Variants in PPEF2 observed in about 807,000 individuals in gnomAD.
PPEF2 encodes serine/threonine-protein phosphatase with EF-hands 2.
PPEF2 carries 84 observed loss-of-function variants against 84.7 expected under a neutral mutation model. The ratio of observed to expected loss-of-function variants is 0.99; its 90% CI spans 0.83 to 1.19. The LOEUF is 1.19. PPEF2 is among the 50% of genes most tolerant of loss of function. The pLI, the probability that PPEF2 is intolerant of heterozygous loss-of-function variation, is 0.00. For synonymous variants in PPEF2, 346 were observed against 345.2 expected (o/e 1.00, Z -0.03); for missense variants, 924 against 937.5 (o/e 0.99, Z 0.19).
At chr4:75,868,678 C>A (rs1429008127) in intron 13 of PPEF2, among the ~76,000 whole-genome samples, 1 of 151,810 alleles carries the variant, frequency 6.6e-6, no homozygotes, top group Non-Finnish European at 1.5e-5. Context: ...CCTGGACAAC[C>A]AGAATGAGAC....
intron 1 of PPEF2, among the ~76,000 whole-genome samples, chr4:75,899,818 C>G (rs759984758): frequency 4.6e-5 from 7 of 152,026 alleles, no homozygotes; most frequent in African/African-American, 7.2e-5. Flanking sequence ...AGTTTTAGAA[C>G]TAGAAGGGAC....
At chr4:75,881,452 C>G (rs982153200) in intron 10 of PPEF2, 1 of 152,130 alleles carries the variant, frequency 6.6e-6, no homozygotes, top group Non-Finnish European at 1.5e-5. Context: ...TGACTGTAGT[C>G]CCAGCTACTC....
chr4:75,860,981 T>G, intron 16 of PPEF2, 61 bp from the exon 17 acceptor site: 1 of 1,568,806 alleles, frequency 6.4e-7, no homozygotes, highest in East Asian at 2.3e-5. Context: ...TCATTTTCTC[T>G]GACATTCTTA....
At chr4:75,900,415 T>C (rs527239726) in intron 1 of PPEF2, among the ~76,000 whole-genome samples, 83 of 152,292 alleles carry the variant, frequency 5.5e-4, no homozygotes, top group African/African-American at 1.8e-3. Flanking sequence ...AGTCTCCCAT[T>C]AGGTAGTTGT....
At position 75,860,571 on chromosome 4, in the gene PPEF2, C is replaced by T; in HGVS notation, c.*96G>A. On this transcript the variant is annotated 3_prime_UTR_variant, in exon 17 of 17. Coordinates refer to ENST00000286719, the MANE Select transcript of PPEF2 (RefSeq NM_006239.3). ...TGATGCATATGGATAGGTAAATTTT[C>T]AGCATAAAGTTTCACATGGAGAATA... 6 of 1,468,960 alleles carry T rather than the reference C, an allele frequency of 4.1e-6. No homozygotes were observed. Among genetic ancestry groups the T allele is most frequent in the Non-Finnish European group, 5.6e-6 (6 of 1,079,052 alleles). The allele number at this position is 1,468,960 out of a possible 1,614,324, so 91.0% of individuals were successfully genotyped here. A position where few individuals can be genotyped will look rare whatever the true frequency, so the allele number is the denominator to read the frequency against.
At chr4:75,866,581 T>C (rs529161603) in intron 14 of PPEF2, 2 of 582,574 alleles carry the variant, frequency 3.4e-6, no homozygotes, top group African/African-American at 1.9e-5. Flanking sequence ...GTAAAGTATA[T>C]AAAAGTGCCA....
chr4:75,870,201 C>T (rs1353471638), intron 13 of PPEF2, among the ~76,000 whole-genome samples: 1 of 152,098 alleles, frequency 6.6e-6, no homozygotes, highest in Non-Finnish European at 1.5e-5. Context: ...ACCCCTAAAT[C>T]CTATGGGATC....
At chr4:75,897,729 G>A (rs2149231071) in intron 1 of PPEF2, among the ~76,000 whole-genome samples, 1 of 152,230 alleles carries the variant, frequency 6.6e-6, no homozygotes, top group Non-Finnish European at 1.5e-5. Context: ...GAGCCAAGAT[G>A]TGTAACCACT....
Position 75,876,291 on chromosome 4 carries a change from C to G in PPEF2, c.1316G>C (p.Arg439Thr), listed in dbSNP as rs779974619. 3 of 1,600,422 alleles carry G rather than the reference C, an allele frequency of 1.9e-6. No homozygotes were observed. The highest frequency in any genetic ancestry group is 2.6e-6 in the Non-Finnish European group (3 of 1,172,638). Residue 439 changes from arginine (R) to threonine (T), a missense_variant, in exon 11 of 17, where the codon AGG becomes ACG. Arg to Thr is a moderately conservative substitution (Grantham distance 71). Transcript: ENST00000286719. ...GCAGCGCCTGGCCACGCTCACCTGCCTCCACTCCTCCTGAGTGGGCTTCCG... is the reference window on the plus strand; with the variant it reads ...GCAGCGCCTGGCCACGCTCACCTGCGTCCACTCCTCCTGAGTGGGCTTCCG... ...ELRKPTQEEW[R>T]QVVDILWSDP...
chr4:75,873,196 G>A lies in PPEF2; in HGVS notation c.1437C>T (p.Tyr479=), dbSNP rs754258900. The change falls in exon 12 of 17, where the codon TAC becomes TAT. Residue 479 remains tyrosine (Y), a synonymous_variant. Coordinates refer to ENST00000286719, the MANE Select transcript of PPEF2 (RefSeq NM_006239.3). The stretch of plus-strand genomic sequence containing the variant: ...GTGAACGGATCAGGAATTGCATGTT[G>A]TATTTTTGTAGCAACTGTTGTGTCA... The part of the protein sequence containing the change: ...PDVTQQLLQK[Y]NMQFLIRSHE... 5.6e-6 allele frequency: 9 copies of A among 1,613,970 alleles called. No individual in the cohort carries two copies. The East Asian group carries it at 1.8e-4, about 32-fold the overall frequency.
Position 75,860,174 on chromosome 4 carries a change from C to T in PPEF2, c.*493G>A, listed in dbSNP as rs1033429380. 6.3e-6 allele frequency: 1 copy of T among 158,770 alleles called. No homozygotes were observed. The highest frequency in any genetic ancestry group is 1.4e-5 in the Non-Finnish European group (1 of 72,338). 9.8% of individuals were successfully genotyped at this position (158,770 alleles called of 1,614,324 possible). ...GACCAGCCTGACCAACATGGAGAAA[C>T]CCTGTGTCTACTAAAAATACAAAAT... On this transcript the variant is annotated 3_prime_UTR_variant, in exon 17 of 17. Coordinates refer to ENST00000286719, the MANE Select transcript of PPEF2 (RefSeq NM_006239.3).
intron 15 of PPEF2, 42 bp downstream of exon 15, chr4:75,866,147 A>G (rs1411915229): frequency 1.9e-6 from 3 of 1,554,258 alleles, no homozygotes; most frequent in South Asian, 1.2e-5. Flanking sequence ...AAGGAGTATC[A>G]TAGTCCACAT....
Position 75,891,897 on chromosome 4 carries a change from C to A in PPEF2, c.137G>T (p.Ser46Ile), listed in dbSNP as rs771580948. Residue 46 changes from serine (S) to isoleucine (I), a missense_variant, in exon 3 of 17, where the codon AGC becomes ATC. Coordinates refer to ENST00000286719, the MANE Select transcript of PPEF2 (RefSeq NM_006239.3). ...AGCATATTCTATAGACTGGAAGATGCTCCAGGTGCAACGCCGCCTCATCTC... is the reference window on the plus strand; with the variant it reads ...AGCATATTCTATAGACTGGAAGATGATCCAGGTGCAACGCCGCCTCATCTC... The part of the protein sequence containing the change: ...RLEMRRRCTW[S>I]IFQSIEYAGQ... The A allele has an allele frequency of 6.2e-7, 1 of 1,614,118 alleles. No homozygotes were observed. Among genetic ancestry groups the A allele is most frequent in the East Asian group, 2.2e-5 (1 of 44,864 alleles).
chr4:75,888,896 G>A (rs1308776501), intron 5 of PPEF2, among the ~76,000 whole-genome samples: 1 of 152,216 alleles, frequency 6.6e-6, no homozygotes, highest in African/African-American at 2.4e-5. Context: ...TCTTAACACA[G>A]CAACCAGAAT....
Position 75,876,570 on chromosome 4 carries a change from CATGG to C in PPEF2, c.1033_1036del (p.Pro345GlyfsTer53), listed in dbSNP as rs753405708. ...AAGAGAGCGGCTTTCGGGGAGAAAC[CATGG>C]GATGGGTCCCTGTGCAGAGCTCTTC... On this transcript the variant is annotated frameshift_variant, in exon 11 of 17. Coordinates refer to ENST00000286719, the MANE Select transcript of PPEF2 (RefSeq NM_006239.3). LOFTEE classifies it high-confidence loss of function. 3.4e-4 allele frequency: 546 copies of C among 1,614,076 alleles called. 1 individual carries two copies. Among genetic ancestry groups the C allele is most frequent in the Admixed American group, 8.7e-4 (52 of 59,988 alleles).
Position 75,872,169 on chromosome 4 carries a change from T to TA in PPEF2, c.1507-3dup. 1 of 1,612,470 alleles carries TA rather than the reference T, an allele frequency of 6.2e-7. No individual in the cohort carries two copies. The highest frequency in any genetic ancestry group is 8.5e-7 in the Non-Finnish European group (1 of 1,179,376). On this transcript the variant is annotated splice_region_variant and splice_polypyrimidine_tract_variant and intron_variant, in intron 12 of 16. Coordinates refer to ENST00000286719, the MANE Select transcript of PPEF2 (RefSeq NM_006239.3). ...GGAGGCAGAAAAGATTGTTAATACC[T>TA]ACATCAAAACAGAAGAGAGACAGGT...
intron 4 of PPEF2, among the ~76,000 whole-genome samples, chr4:75,891,422 T>C (rs375120963): frequency 1.3e-4 from 19 of 151,852 alleles, no homozygotes; most frequent in African/African-American, 4.6e-4. Flanking sequence ...ACCCCCAGGG[T>C]TTCTTGAACT....
intron 2 of PPEF2, among the ~76,000 whole-genome samples, chr4:75,893,749 C>T (rs1452002268): frequency 6.6e-6 from 1 of 152,214 alleles, no homozygotes. Context: ...TCTGCTAACA[C>T]CTTGCCCTGA....
intron 8 of PPEF2, among the ~76,000 whole-genome samples, chr4:75,884,257 C>A (rs927689036): frequency 1.3e-5 from 2 of 151,864 alleles, no homozygotes; most frequent in Non-Finnish European, 2.9e-5. Flanking sequence ...ATGGTGAAGC[C>A]CTGTCTCTAA....
Sources: gnomAD v4.1 joint callset for allele counts (sites outside exome capture counted in the v4.1 genomes callset) on GRCh38, gnomAD v4.1.1 for gene constraint, MANE v1.5 for transcripts, NCBI Gene and HGNC (gene_info 2026-07-23, HGNC 2026-07-21) for gene names.